Variants in IL16 observed in about 807,000 individuals in gnomAD.
The protein encoded by IL16 is pro-interleukin-16.
IL16 carries 67 observed loss-of-function variants against 110.1 expected under a neutral mutation model. That is an observed-to-expected ratio of 0.61 (90% CI 0.50 to 0.75). The LOEUF is 0.75. IL16 is among the 30% of genes least tolerant of loss of function. IL16 has a pLI of 0.00. For missense variants in IL16, 1,545 were observed against 1,655.0 expected, an observed-to-expected ratio of 0.93 and a Z score of 1.15; for synonymous variants, 689 against 662.9, an observed-to-expected ratio of 1.04 and a Z score of -0.61.
upstream of IL16, among the ~76,000 whole-genome samples, chr15:81,196,526 C>A (rs990676901): frequency 2.6e-5 from 4 of 152,198 alleles, no homozygotes; most frequent in Non-Finnish European, 4.4e-5. Context: ...ATTATAGGCA[C>A]GTGCCACAGC....
intron 2 of IL16, among the ~76,000 whole-genome samples, chr15:81,252,188 C>G (rs1184040410): frequency 6.6e-6 from 1 of 152,032 alleles, no homozygotes; most frequent in Non-Finnish European, 1.5e-5. Flanking sequence ...CAGGAAATAC[C>G]AGGATTCACT....
chr15:81,231,231 G>C (rs1896959353), intron 2 of IL16, among the ~76,000 whole-genome samples: 1 of 151,240 alleles, frequency 6.6e-6, no homozygotes, highest in Admixed American at 6.6e-5. Flanking sequence ...TCTGAAAAAA[G>C]GAAGGCAAGC....
chr15:81,209,549 A>G (rs1429922275), intron 1 of IL16, among the ~76,000 whole-genome samples: 1 of 152,076 alleles, frequency 6.6e-6, no homozygotes, highest in Non-Finnish European at 1.5e-5. Flanking sequence ...TTTAAGGAGC[A>G]CAGGTGATCC....
At position 81,268,918 on chromosome 15, in the gene IL16, A is replaced by G. The variant is rs112691796; in HGVS notation, c.565-620A>G. On this transcript the variant is annotated intron_variant, in intron 4 of 18. Transcript: ENST00000683961. ...AAGCTAAGGTCACCCGCCAGCTGAT[A>G]ATGGGCAGAGTCAGAAGAACCCAGA... Among the ~76,000 whole-genome samples, 1,290 of 152,326 alleles carry G rather than the reference A, an allele frequency of 8.5e-3. 11 individuals carry two copies. Among genetic ancestry groups the G allele is most frequent in the Middle Eastern group, 0.02 (6 of 294 alleles).
At chr15:81,212,866 G>A (rs1035640029) in intron 1 of IL16, among the ~76,000 whole-genome samples, 3 of 152,038 alleles carry the variant, frequency 2.0e-5, no homozygotes, top group African/African-American at 7.2e-5. Context: ...TTGGATTTTT[G>A]CACCTCAATT....
At chr15:81,307,894 A>C (rs1371410830) in intron 18 of IL16, among the ~76,000 whole-genome samples, 1 of 152,236 alleles carries the variant, frequency 6.6e-6, no homozygotes, top group African/African-American at 2.4e-5. Flanking sequence ...ATAAATGCAA[A>C]ACATTAGCAC....
Position 81,207,259 on chromosome 15 carries a change from A to C in IL16, c.-102+10107A>C, listed in dbSNP as rs964898152. Among the ~76,000 whole-genome samples the C allele has an allele frequency of 5.0e-4, 74 of 147,702 alleles. 3 individuals carry two copies. The East Asian group carries it at 0.011, about 23-fold the overall frequency. Reference sequence around the variant, plus strand: ...TCTCAAAAAAAACAAAAAAAAAAAAAAACAAAAAAAAGAAAAGAAAAAAGA... The same window carrying C: ...TCTCAAAAAAAACAAAAAAAAAAAACAACAAAAAAAAGAAAAGAAAAAAGA... On this transcript the variant is annotated intron_variant, in intron 1 of 18. Coordinates refer to ENST00000683961, the MANE Select transcript of IL16 (RefSeq NM_172217.5).
intron 8 of IL16, among the ~76,000 whole-genome samples, chr15:81,282,406 C>T (rs1011225249): frequency 1.3e-5 from 2 of 152,228 alleles, no homozygotes; most frequent in Non-Finnish European, 2.9e-5. Flanking sequence ...TTCCCTCCTT[C>T]CCTTCCTCCC....
intron 3 of IL16, among the ~76,000 whole-genome samples, chr15:81,262,043 G>C (rs992579739): frequency 3.3e-5 from 5 of 152,192 alleles, no homozygotes; most frequent in African/African-American, 1.2e-4. Context: ...TCTGGTCTGG[G>C]CAACAGAGTG....
chr15:81,268,056 G>C (rs1049440333), intron 4 of IL16, among the ~76,000 whole-genome samples: 1 of 152,248 alleles, frequency 6.6e-6, no homozygotes, highest in Non-Finnish European at 1.5e-5. Flanking sequence ...CCCTCCAAAG[G>C]AGGAGGAGAG....
intron 1 of IL16, among the ~76,000 whole-genome samples, chr15:81,199,237 A>G (rs532953606): frequency 7.9e-5 from 12 of 152,250 alleles, no homozygotes; most frequent in African/African-American, 2.9e-4. Context: ...GTGGTTAACT[A>G]GGAAGGCAGC....
intron 1 of IL16, among the ~76,000 whole-genome samples, chr15:81,218,763 T>A (rs911413275): frequency 6.6e-6 from 1 of 152,216 alleles, no homozygotes; most frequent in Non-Finnish European, 1.5e-5. Flanking sequence ...CTTTTTCAGC[T>A]TTACAATATA....
rs1595970781 is a variant in IL16, at chr15:81,229,313, T to C, written c.312+3602T>C. ...GGGGCGTCCTGGGGGAGGTGGCTGTTGAAAGCAGGATATTCCAGGAAACCA... is the reference window on the plus strand; with the variant it reads ...GGGGCGTCCTGGGGGAGGTGGCTGTCGAAAGCAGGATATTCCAGGAAACCA... On this transcript the variant is annotated intron_variant, in intron 2 of 18. Transcript: ENST00000683961. Among the ~76,000 whole-genome samples, 7 of 151,880 alleles carry C rather than the reference T, an allele frequency of 4.6e-5. No individual in the cohort carries two copies. The South Asian group carries it at 1.5e-3, about 32-fold the overall frequency.
At position 81,299,577 on chromosome 15, in the gene IL16, C is replaced by T. The variant is rs1293013303; in HGVS notation, c.2251C>T (p.Gln751Ter). The T allele has an allele frequency of 6.2e-7, 1 of 1,614,214 alleles. No individual in the cohort carries two copies. The highest frequency in any genetic ancestry group is 8.5e-7 in the Non-Finnish European group (1 of 1,180,048). The change falls in exon 14 of 19, where the codon CAG becomes TAG. Residue 751 changes from glutamine to a stop codon, truncating the protein, a stop_gained. Transcript: ENST00000683961. LOFTEE classifies it high-confidence loss of function. Reference protein sequence around the residue: ...NASLNEEEGTQGHPDGTPPKL... With the variant: ...NASLNEEEGT ...CAGCCTGAATGAAGAAGAAGGGACA[C>T]AGGGCCACCCAGATGGGACCCCACC...
chr15:81,205,940 A>G (rs1420743250), intron 1 of IL16, among the ~76,000 whole-genome samples: 3 of 152,226 alleles, frequency 2.0e-5, no homozygotes, highest in African/African-American at 4.8e-5. Context: ...CAAAATGATA[A>G]AAAGAGCACT....
At chr15:81,228,822 A>G (rs1896877203) in intron 2 of IL16, among the ~76,000 whole-genome samples, 2 of 152,194 alleles carry the variant, frequency 1.3e-5, no homozygotes, top group African/African-American at 2.4e-5. Context: ...CTGACTGCCT[A>G]GGTTGTGGTC....
intron 3 of IL16, among the ~76,000 whole-genome samples, chr15:81,260,219 A>C (rs1423059609): frequency 6.6e-6 from 1 of 152,198 alleles, no homozygotes; most frequent in Non-Finnish European, 1.5e-5. Context: ...AGAGCTCATG[A>C]TTTTTATTAG....
intron 2 of IL16, among the ~76,000 whole-genome samples, chr15:81,227,551 A>G (rs1896830262): frequency 6.6e-6 from 1 of 152,148 alleles, no homozygotes; most frequent in Non-Finnish European, 1.5e-5. Context: ...TAAAGAGGAA[A>G]GAGGAGGATG....
chr15:81,239,771 C>CGTTTG (rs71451571), intron 2 of IL16, among the ~76,000 whole-genome samples: 2 of 150,538 alleles, frequency 1.3e-5, no homozygotes, highest in Admixed American at 1.3e-4. Context: ...ACAGGCTTGT[C>CGTTTG]TTTGTTTGTT....
Sources: allele counts gnomAD v4.1 joint callset (sites outside exome capture counted in the v4.1 genomes callset), GRCh38; gene constraint gnomAD v4.1.1; transcripts MANE v1.5; gene names NCBI Gene and HGNC (gene_info 2026-07-23, HGNC 2026-07-21).